The following RPS6KC1 variants were observed in gnomAD, a reference collection of about 807,000 sequenced individuals.
The protein encoded by RPS6KC1 is ribosomal protein S6 kinase C1, also known as inactive ribosomal protein S6 kinase delta-1.
In RPS6KC1, 54 loss-of-function variants were observed where a neutral mutation model predicts 103.8. That is an observed-to-expected ratio of 0.52 (90% CI 0.42 to 0.65). The LOEUF (loss-of-function observed/expected upper bound fraction) is 0.65. Ranked by LOEUF, RPS6KC1 falls within the 30% of genes least tolerant of loss-of-function variation. The pLI, the probability that RPS6KC1 is intolerant of heterozygous loss-of-function variation, is 0.00. For missense variants in RPS6KC1, 1,151 were observed against 1,253.8 expected (o/e 0.92, Z 1.24); for synonymous variants, 439 against 438.7 (o/e 1.00, Z -0.01).
the RPS6KC1 span, among the ~76,000 whole-genome samples, chr1:213,676,466 T>A: frequency 2.6e-5 from 4 of 152,154 alleles, no homozygotes; most frequent in Non-Finnish European, 5.9e-5. Flanking sequence ...GGAGGAGAAG[T>A]CCCGTGTCAG....
chr1:213,536,007 G>A, the RPS6KC1 span, among the ~76,000 whole-genome samples: 1 of 152,060 alleles, frequency 6.6e-6, no homozygotes, highest in African/African-American at 2.4e-5. Flanking sequence ...AATGGAGGCC[G>A]AGAAGGCAGC....
chr1:213,431,243 G>C, the RPS6KC1 span, among the ~76,000 whole-genome samples: 1 of 152,148 alleles, frequency 6.6e-6, no homozygotes, highest in Non-Finnish European at 1.5e-5. Flanking sequence ...CTGTATCTAG[G>C]TTATTGATTT....
At chr1:213,068,907 G>GTA (rs1553305830) in intron 1 of RPS6KC1, among the ~76,000 whole-genome samples, 1 of 145,314 alleles carries the variant, frequency 6.9e-6, no homozygotes, top group South Asian at 2.3e-4. Context: ...GTGTGTGTGT[G>GTA]TGTGTGTATG....
the RPS6KC1 span, among the ~76,000 whole-genome samples, chr1:213,798,783 G>T: frequency 1.7e-4 from 26 of 152,316 alleles, no homozygotes; most frequent in South Asian, 5.4e-3. Flanking sequence ...CGTGCCTCAC[G>T]TGGGGGCAAT....
the RPS6KC1 span, among the ~76,000 whole-genome samples, chr1:213,660,565 G>A: frequency 6.6e-6 from 1 of 152,198 alleles, no homozygotes; most frequent in Non-Finnish European, 1.5e-5. Flanking sequence ...CATTGTGGAA[G>A]ATTCTAGGTA....
At chr1:213,790,409 A>C in the RPS6KC1 span, among the ~76,000 whole-genome samples, 1 of 152,188 alleles carries the variant, frequency 6.6e-6, no homozygotes, top group African/African-American at 2.4e-5. Flanking sequence ...AGTTAGAGGC[A>C]CAATGGAGTA....
At chr1:213,314,017 A>G in the RPS6KC1 span, among the ~76,000 whole-genome samples, 4 of 152,202 alleles carry the variant, frequency 2.6e-5, no homozygotes, top group African/African-American at 7.2e-5. Context: ...CGAGTTCACA[A>G]TCGAGGTGTT....
At chr1:213,639,824 A>G in the RPS6KC1 span, among the ~76,000 whole-genome samples, 1 of 151,290 alleles carries the variant, frequency 6.6e-6, no homozygotes, top group African/African-American at 2.4e-5. Context: ...GTGTTTTTTC[A>G]TCTCTGTTCA....
the RPS6KC1 span, among the ~76,000 whole-genome samples, chr1:213,281,557 A>G: frequency 6.6e-6 from 1 of 152,194 alleles, no homozygotes; most frequent in African/African-American, 2.4e-5. Context: ...TTTCCTGATT[A>G]TAGACTGTGA....
At chr1:213,456,125 C>A in the RPS6KC1 span, among the ~76,000 whole-genome samples, 2 of 152,138 alleles carry the variant, frequency 1.3e-5, no homozygotes, top group African/African-American at 4.8e-5. Context: ...TCATTCCTAT[C>A]GGCACATGGG....
chr1:213,656,165 A>C, the RPS6KC1 span, among the ~76,000 whole-genome samples: 1 of 152,216 alleles, frequency 6.6e-6, no homozygotes, highest in Non-Finnish European at 1.5e-5. Flanking sequence ...CAGAGAGGCC[A>C]TGTAACACAA....
At chr1:213,559,134 G>A in the RPS6KC1 span, among the ~76,000 whole-genome samples, 62 of 152,186 alleles carry the variant, frequency 4.1e-4, 1 homozygote, top group Admixed American at 2.0e-4. Flanking sequence ...CAGGGAAGTT[G>A]GATGCCCTCT....
At chr1:213,060,070 A>G (rs1004961303) in intron 1 of RPS6KC1, among the ~76,000 whole-genome samples, 3 of 152,082 alleles carry the variant, frequency 2.0e-5, no homozygotes, top group Non-Finnish European at 2.9e-5. Context: ...CGCCCACCTC[A>G]GCCTCCCAAA....
the RPS6KC1 span, among the ~76,000 whole-genome samples, chr1:213,536,680 T>C: frequency 7.2e-4 from 109 of 152,268 alleles, no homozygotes; most frequent in Middle Eastern, 3.4e-3. Flanking sequence ...TAAGAACAGA[T>C]TGAAAGCATA....
chr1:213,578,234 C>T, the RPS6KC1 span, among the ~76,000 whole-genome samples: 2 of 152,216 alleles, frequency 1.3e-5, no homozygotes, highest in Non-Finnish European at 2.9e-5. Flanking sequence ...TTGGGAACCT[C>T]CACCTAGATT....
At chr1:213,538,663 A>G in the RPS6KC1 span, among the ~76,000 whole-genome samples, 3 of 152,132 alleles carry the variant, frequency 2.0e-5, no homozygotes, top group Admixed American at 2.0e-4. Context: ...GGTAGGAATG[A>G]GTTTGTTTTG....
chr1:213,681,290 A>C, the RPS6KC1 span, among the ~76,000 whole-genome samples: 1 of 152,248 alleles, frequency 6.6e-6, no homozygotes, highest in Non-Finnish European at 1.5e-5. Flanking sequence ...TGGAGGGCTC[A>C]GTAGAGTCTG....
the RPS6KC1 span, among the ~76,000 whole-genome samples, chr1:213,507,227 G>A: frequency 6.6e-5 from 10 of 152,148 alleles, no homozygotes; most frequent in Non-Finnish European, 1.0e-4. Context: ...GACTCGAGTG[G>A]CAGCTAACAC....
the RPS6KC1 span, among the ~76,000 whole-genome samples, chr1:213,559,851 A>G: frequency 6.6e-6 from 1 of 152,238 alleles, no homozygotes; most frequent in Non-Finnish European, 1.5e-5. Flanking sequence ...TACCATTTCA[A>G]TATAGAATCA....
Sources: allele counts gnomAD v4.1 joint callset (sites outside exome capture counted in the v4.1 genomes callset), GRCh38; gene constraint gnomAD v4.1.1; transcripts MANE v1.5; gene names NCBI Gene and HGNC (gene_info 2026-07-23, HGNC 2026-07-21).